The following DSG4 variants were observed in gnomAD, a reference collection of about 807,000 sequenced individuals.
The protein encoded by DSG4 is desmoglein-4.
A neutral mutation model predicts 93.1 loss-of-function variants in DSG4; 87 were observed. The ratio of observed to expected loss-of-function variants is 0.93; its 90% CI spans 0.79 to 1.12. The LOEUF is 1.12. Ranked by LOEUF, DSG4 falls within the 50% of genes most tolerant of loss-of-function variation. The pLI is 0.00. For missense variants in DSG4, 1,373 were observed against 1,285.7 expected, an observed-to-expected ratio of 1.07 and a Z score of -1.04; for synonymous variants, 432 against 452.9, an observed-to-expected ratio of 0.95 and a Z score of 0.59.
chr18:31,380,847 A>G (rs909560914), intron 1 of DSG4, among the ~76,000 whole-genome samples: 6 of 152,200 alleles, frequency 3.9e-5, no homozygotes, highest in Admixed American at 1.3e-4. Context: ...TAAGAGAATA[A>G]TATCTATTCC....
At position 31,389,414 on chromosome 18, in the gene DSG4, C is replaced by T. The variant is rs893178086; in HGVS notation, c.517+396C>T. 8.5e-5 allele frequency among the ~76,000 whole-genome samples: 13 copies of T among 152,244 alleles called. No individual in the cohort carries two copies. In the East Asian group the frequency reaches 1.4e-3, roughly 16 times the overall value. On this transcript the variant is annotated intron_variant, in intron 5 of 15. Coordinates refer to ENST00000308128, the MANE Select transcript of DSG4 (RefSeq NM_177986.5). ...GGTAGAGCGTGATGGTGGAAGCACACGCAATTGTACCCATCAGATCAATCA... is the reference window on the plus strand; with the variant it reads ...GGTAGAGCGTGATGGTGGAAGCACATGCAATTGTACCCATCAGATCAATCA...
At position 31,399,531 on chromosome 18, in the gene DSG4, C is replaced by T. The variant is rs1347707963; in HGVS notation, c.1265C>T (p.Ala422Val). The stretch of plus-strand genomic sequence containing the variant: ...ATAGATTTGGACACAGGAAACCCTG[C>T]AACAGATGTCAGGTACTGCAACTAT... ...TAIDLDTGNPATDVRYIIGHD... is the reference protein window; with the variant it reads ...TAIDLDTGNPVTDVRYIIGHD... The change falls in exon 9 of 16, where the codon GCA becomes GTA. Residue 422 changes from alanine (A) to valine (V), a missense_variant. By Grantham distance (64) the Ala-to-Val change is moderately conservative. Transcript: ENST00000308128. 2 of 1,613,960 alleles carry T rather than the reference C, an allele frequency of 1.2e-6. No homozygotes were observed. The highest frequency in any genetic ancestry group is 2.2e-5 in the East Asian group (1 of 44,872).
At position 31,388,517 on chromosome 18, in the gene DSG4, T is replaced by G. The variant is rs999684617; in HGVS notation, c.367T>G (p.Phe123Val). 4.3e-6 allele frequency: 7 copies of G among 1,613,218 alleles called. No individual in the cohort carries two copies. The African/African-American group carries it at 8.0e-5, about 18-fold the overall frequency. The change falls in exon 4 of 16, where the codon TTC (phenylalanine) becomes GTC (valine). Residue 123 changes from phenylalanine (F) to valine (V), a missense_variant. Transcript: ENST00000308128. ...GGTAGACAGAGAAATAACTCCACTT[T>G]TCTTGGTAAGTCATAGCCATATGTT... is the stretch of plus-strand genomic sequence containing the variant. ...SVVDREITPL[F>V]LIYCRALNSR... is the part of the protein sequence containing the mutation.
intron 9 of DSG4, 35 bp downstream of exon 9, chr18:31,399,578 T>C (rs1428164459): frequency 1.2e-6 from 2 of 1,613,044 alleles, no homozygotes; most frequent in East Asian, 2.2e-5. Context: ...TCTATGGTTC[T>C]ATCCAGTGTT....
In DSG4 at chr18:31,409,489, G is replaced by T. The variant is rs781557311; in HGVS notation, c.1971G>T (p.Gln657His). ...TGCTGCTCCTGTGTTGCTGCAAACA[G>T]AGACAGCCAGAAGGCCTGGGAACAA... The part of the protein sequence containing the change: ...PLLLLLCCCK[Q>H]RQPEGLGTRF... Residue 657 changes from glutamine to histidine, a missense_variant, in exon 13 of 16, where the codon CAG becomes CAT. Physicochemically the swap from Gln to His is conservative, Grantham distance 24. Coordinates refer to ENST00000308128, the MANE Select transcript of DSG4 (RefSeq NM_177986.5). 6 of 1,614,074 alleles carry T rather than the reference G, an allele frequency of 3.7e-6. No homozygotes were observed. The African/African-American group carries it at 8.0e-5, about 22-fold the overall frequency.
At chr18:31,385,210 A>T in intron 2 of DSG4, 39 bp downstream of exon 2, 1 of 1,425,642 alleles carries the variant, frequency 7.0e-7, no homozygotes, top group Non-Finnish European at 9.7e-7. Flanking sequence ...TTTAAAATTA[A>T]AACAAAAACT....
chr18:31,403,529 G>T lies in DSG4; in HGVS notation c.1531G>T (p.Val511Phe), dbSNP rs1383154229. ...AACCATCTGCATTGACTCTCCATCAGTCCTTATCTCTGTTAATGAACATTC... is the reference window on the plus strand; with the variant it reads ...AACCATCTGCATTGACTCTCCATCATTCCTTATCTCTGTTAATGAACATTC... ...RRTICIDSPS[V>F]LISVNEHSYG... The change falls in exon 11 of 16, where the codon GTC (valine) becomes TTC (phenylalanine). Residue 511 changes from valine (V) to phenylalanine (F), a missense_variant. By Grantham distance (50) the Val-to-Phe change is conservative. Transcript: ENST00000308128. 7 of 1,613,956 alleles carry T rather than the reference G, an allele frequency of 4.3e-6. No homozygotes were observed. Among genetic ancestry groups the T allele is most frequent in the Non-Finnish European group, 8.5e-7 (1 of 1,179,982 alleles).
intron 10 of DSG4, 59 bp downstream of exon 10, chr18:31,401,079 G>C: frequency 7.2e-7 from 1 of 1,383,732 alleles, no homozygotes; most frequent in Non-Finnish European, 9.9e-7. Flanking sequence ...TAAATATTAT[G>C]TTATTCTAAT....
intron 8 of DSG4, among the ~76,000 whole-genome samples, chr18:31,393,779 T>G (rs1389710977): frequency 1.3e-5 from 2 of 152,212 alleles, no homozygotes; most frequent in African/African-American, 4.8e-5. Context: ...TCATTGGGTC[T>G]TTCGCTTTTC....
At chr18:31,405,488 A>C (rs1238105336) in intron 11 of DSG4, among the ~76,000 whole-genome samples, 1 of 152,118 alleles carries the variant, frequency 6.6e-6, no homozygotes, top group Non-Finnish European at 1.5e-5. Context: ...CTCTGGAAAG[A>C]TGCAGCAAGG....
At chr18:31,403,228 C>T (rs2072387658) in intron 10 of DSG4, among the ~76,000 whole-genome samples, 188 bp from the exon 11 acceptor site, 1 of 152,140 alleles carries the variant, frequency 6.6e-6, no homozygotes, top group Non-Finnish European at 1.5e-5. Flanking sequence ...TCAAAAGAAG[C>T]AGTGTGGCTG....
chr18:31,394,859 A>C (rs1235674523), intron 8 of DSG4, among the ~76,000 whole-genome samples: 1 of 152,156 alleles, frequency 6.6e-6, no homozygotes, highest in Non-Finnish European at 1.5e-5. Context: ...AGCTAGACAT[A>C]ACATGCAATT....
chr18:31,393,942 C>G (rs1568065595), intron 8 of DSG4, among the ~76,000 whole-genome samples: 1 of 152,076 alleles, frequency 6.6e-6, no homozygotes, highest in Non-Finnish European at 1.5e-5. Flanking sequence ...TGAATACACA[C>G]AATTTTATAA....
Position 31,399,486 on chromosome 18 carries a change from T to A in DSG4, c.1220T>A (p.Val407Glu), listed in dbSNP as rs2072341717. The A allele has an allele frequency of 6.2e-7, 1 of 1,614,094 alleles. No homozygotes were observed. The highest frequency in any genetic ancestry group is 8.5e-7 in the Non-Finnish European group (1 of 1,179,948). ...GIKGSSLLNY[V>E]LGTYTAIDLD... The stretch of plus-strand genomic sequence containing the variant: ...AAAGGAAGTTCCTTATTGAATTATG[T>A]GCTTGGCACATATACAGCCATAGAT... Residue 407 changes from valine to glutamate, a missense_variant, in exon 9 of 16, where the codon GTG (valine) becomes GAG (glutamate). By Grantham distance (121) the Val-to-Glu change is moderately radical (BLOSUM62 -2). Transcript: ENST00000308128.
In DSG4 at chr18:31,388,820, T is replaced by C; in HGVS notation, c.373-54T>C. 3.1e-6 allele frequency: 5 copies of C among 1,612,362 alleles called. No homozygotes were observed. The South Asian group carries it at 5.5e-5, about 18-fold the overall frequency. On this transcript the variant is annotated intron_variant, in intron 4 of 15. Coordinates refer to ENST00000308128, the MANE Select transcript of DSG4 (RefSeq NM_177986.5). Reference sequence around the variant, plus strand: ...CTATTTTCTGATATATTTTCAAGCATGTTACTAAAATTCCTTTGGTGGAAA... The same window carrying C: ...CTATTTTCTGATATATTTTCAAGCACGTTACTAAAATTCCTTTGGTGGAAA...
intron 12 of DSG4, among the ~76,000 whole-genome samples, chr18:31,408,761 C>T (rs2125987): frequency 0.8 from 122,138 of 152,120 alleles, 49,348 homozygotes; most frequent in East Asian, 0.93. Context: ...GAAAAGCAAC[C>T]AGAGTGGGCC....
In DSG4 at chr18:31,413,624, G is replaced by T; in HGVS notation, c.*29G>T. 6.2e-7 allele frequency: 1 copy of T among 1,608,748 alleles called. No individual in the cohort carries two copies. Among genetic ancestry groups the T allele is most frequent in the Non-Finnish European group, 8.5e-7 (1 of 1,179,460 alleles). ...CTTTATGGTCAGTATTCTATGTGGA[G>T]ACCTTGCACCTTGTAATCATCAATA... On this transcript the variant is annotated 3_prime_UTR_variant, in exon 16 of 16. Transcript: ENST00000308128.
chr18:31,378,958 G>A (rs1024037117), intron 1 of DSG4, among the ~76,000 whole-genome samples: 1 of 152,164 alleles, frequency 6.6e-6, no homozygotes, highest in South Asian at 2.1e-4. Flanking sequence ...TAATGAGGGT[G>A]TGGCAGCCTC....
chr18:31,403,495 T>C lies in DSG4; in HGVS notation c.1497T>C (p.Pro499=). The change falls in exon 11 of 16, where the codon CCT becomes CCC. Residue 499 remains proline, a synonymous_variant. Coordinates refer to ENST00000308128, the MANE Select transcript of DSG4 (RefSeq NM_177986.5). ...ATGATTATTGTCCAAACATTTTTCC[T>C]GAAAGAAGAACCATCTGCATTGACT... is the stretch of plus-strand genomic sequence containing the variant. ...DINDYCPNIF[P]ERRTICIDSP... is the part of the protein sequence containing the mutation. 1.2e-6 allele frequency: 2 copies of C among 1,614,088 alleles called. No homozygotes were observed. The highest frequency in any genetic ancestry group is 4.5e-5 in the East Asian group (2 of 44,876).
Sources: allele counts gnomAD v4.1 joint callset (sites outside exome capture counted in the v4.1 genomes callset), GRCh38; gene constraint gnomAD v4.1.1; transcripts MANE v1.5; gene names NCBI Gene and HGNC (gene_info 2026-07-23, HGNC 2026-07-21).